KCTD16: variants seen among roughly 807,000 people sequenced by gnomAD.
The protein encoded by KCTD16 is BTB/POZ domain-containing protein KCTD16.
A neutral mutation model predicts 33.2 loss-of-function variants in KCTD16; 13 were observed. The ratio of observed to expected loss-of-function variants is 0.39; its 90% CI spans 0.25 to 0.62. The LOEUF (loss-of-function observed/expected upper bound fraction) is 0.62, where lower values mean the gene tolerates loss of function less well. KCTD16 is among the 20% of genes least tolerant of loss of function. The pLI is 0.50. For synonymous variants in KCTD16, 197 were observed against 195.3 expected (o/e 1.01, Z -0.07); for missense variants, 441 against 525.1 (o/e 0.84, Z 1.57).
chr5:144,171,280 A>G (rs1330736938), intron 1 of KCTD16, among the ~76,000 whole-genome samples: 1 of 152,196 alleles, frequency 6.6e-6, no homozygotes. Context: ...CTGTAAAGCC[A>G]CTATAAGAGG....
At chr5:144,294,793 G>A (rs776471049) in intron 3 of KCTD16, among the ~76,000 whole-genome samples, 2 of 152,102 alleles carry the variant, frequency 1.3e-5, no homozygotes, top group Non-Finnish European at 2.9e-5. Flanking sequence ...TATCAGTAAC[G>A]GTTGTCCCTT....
chr5:144,307,319 G>A (rs572637560), intron 3 of KCTD16, among the ~76,000 whole-genome samples: 8 of 152,246 alleles, frequency 5.3e-5, no homozygotes, highest in African/African-American at 1.9e-4. Context: ...TAGAGCAGTG[G>A]CCTCGCTCAC....
intron 2 of KCTD16, among the ~76,000 whole-genome samples, chr5:144,181,215 G>T (rs1293365593): frequency 3.9e-5 from 6 of 152,114 alleles, no homozygotes; most frequent in Non-Finnish European, 8.8e-5. Context: ...TTACAGGCGT[G>T]AGCCACCGTG....
At chr5:144,216,816 C>T (rs1271880124) in intron 3 of KCTD16, among the ~76,000 whole-genome samples, 1 of 150,374 alleles carries the variant, frequency 6.7e-6, no homozygotes, top group Non-Finnish European at 1.5e-5. Context: ...TGCACCCCAG[C>T]CTAGGCCACA....
chr5:144,366,555 C>G (rs1465311272), intron 3 of KCTD16, among the ~76,000 whole-genome samples: 1 of 152,148 alleles, frequency 6.6e-6, no homozygotes, highest in Non-Finnish European at 1.5e-5. Flanking sequence ...CAGCCATTTG[C>G]TAACTCTATG....
At chr5:144,400,931 A>G (rs1752688761) in intron 3 of KCTD16, among the ~76,000 whole-genome samples, 1 of 152,174 alleles carries the variant, frequency 6.6e-6, no homozygotes, top group Non-Finnish European at 1.5e-5. Context: ...TGCAAAGGCC[A>G]GGAGCTATGC....
chr5:144,291,023 A>T (rs1282445918), intron 3 of KCTD16, among the ~76,000 whole-genome samples: 1 of 152,242 alleles, frequency 6.6e-6, no homozygotes, highest in East Asian at 1.9e-4. Context: ...GAGAAAGAGA[A>T]TGGTGACCAT....
rs201835197 is a variant in KCTD16 at position 144,220,952 on chromosome 5, AG to A, written c.832+13407del. On this transcript the variant is annotated intron_variant, in intron 3 of 3. Transcript: ENST00000512467. ...CGAGACTACGTCTCAAAAAAAAAAAAGAAGAAGAAATGAGTGAAAGATAAAA... is the reference window on the plus strand; with the variant it reads ...CGAGACTACGTCTCAAAAAAAAAAAAAAGAAGAAATGAGTGAAAGATAAAA... 1.2e-3 allele frequency among the ~76,000 whole-genome samples: 179 copies of A among 149,824 alleles called. 6 individuals are homozygous for A. Among genetic ancestry groups the A allele is most frequent in the Middle Eastern group, 7.0e-3 (2 of 286 alleles).
At position 144,330,881 on chromosome 5, in the gene KCTD16, G is replaced by A. The variant is rs564041878; in HGVS notation, c.832+123335G>A. Among the ~76,000 whole-genome samples the A allele has an allele frequency of 5.9e-5, 9 of 152,270 alleles. No individual in the cohort carries two copies. In the East Asian group the frequency reaches 1.7e-3, roughly 29 times the overall value. ...TTCTTCCCATGCTCTGCTGCTGATG[G>A]TCTGGGATAGACAGGCAAAGAAACA... On this transcript the variant is annotated intron_variant, in intron 3 of 3. Transcript: ENST00000512467.
At chr5:144,407,708 TCA>T (rs1580938656) in intron 3 of KCTD16, among the ~76,000 whole-genome samples, 4 of 152,026 alleles carry the variant, frequency 2.6e-5, no homozygotes, top group African/African-American at 9.7e-5. Flanking sequence ...TCCCACCCCC[TCA>T]CAGGCCCTGG....
chr5:144,452,269 T>C (rs1753960960), intron 3 of KCTD16, among the ~76,000 whole-genome samples: 1 of 151,636 alleles, frequency 6.6e-6, no homozygotes, highest in Non-Finnish European at 1.5e-5. Flanking sequence ...GGATAATCTA[T>C]GTTTGAACAT....
intron 3 of KCTD16, among the ~76,000 whole-genome samples, chr5:144,231,440 T>G (rs1465674449): frequency 6.6e-6 from 1 of 152,136 alleles, no homozygotes; most frequent in Admixed American, 6.5e-5. Context: ...AGAAAAAATA[T>G]TATGTTAAGT....
chr5:144,358,583 C>A (rs1005229700), intron 3 of KCTD16, among the ~76,000 whole-genome samples: 1 of 152,156 alleles, frequency 6.6e-6, no homozygotes, highest in Non-Finnish European at 1.5e-5. Flanking sequence ...TCCCCATTGG[C>A]CCTGTTAGTA....
intron 3 of KCTD16, among the ~76,000 whole-genome samples, chr5:144,266,490 T>A (rs1755145142): frequency 6.6e-6 from 1 of 152,224 alleles, no homozygotes; most frequent in African/African-American, 2.4e-5. Context: ...TCCTGCAACT[T>A]TATAAATAAT....
intron 3 of KCTD16, among the ~76,000 whole-genome samples, chr5:144,408,668 C>T (rs1752866109): frequency 6.6e-6 from 1 of 152,196 alleles, no homozygotes; most frequent in South Asian, 2.1e-4. Context: ...TCAGAGCTTC[C>T]CAAGGCATTT....
chr5:144,456,007 AT>A (rs1041237628), intron 3 of KCTD16, among the ~76,000 whole-genome samples: 3 of 152,176 alleles, frequency 2.0e-5, no homozygotes, highest in Admixed American at 1.3e-4. Context: ...ACTTCAATAA[AT>A]AAAAGTAAAT....
At chr5:144,173,723 C>G (rs1383033528) in intron 1 of KCTD16, among the ~76,000 whole-genome samples, 1 of 151,976 alleles carries the variant, frequency 6.6e-6, no homozygotes, top group Non-Finnish European at 1.5e-5. Context: ...TTAAATTTTC[C>G]CCTTTGAATT....
At chr5:144,276,258 A>G (rs986620637) in intron 3 of KCTD16, among the ~76,000 whole-genome samples, 6 of 152,170 alleles carry the variant, frequency 3.9e-5, no homozygotes, top group Non-Finnish European at 8.8e-5. Context: ...TCATTCTGTT[A>G]TATAATTTTG....
chr5:144,264,265 T>C (rs2126841443), intron 3 of KCTD16, among the ~76,000 whole-genome samples: 1 of 152,328 alleles, frequency 6.6e-6, no homozygotes, highest in South Asian at 2.1e-4. Context: ...GAAAAATACA[T>C]AACAGAATAA....
Sources: allele counts gnomAD v4.1 joint callset (sites outside exome capture counted in the v4.1 genomes callset), GRCh38; gene constraint gnomAD v4.1.1; transcripts MANE v1.5; gene names NCBI Gene and HGNC (gene_info 2026-07-23, HGNC 2026-07-21).